ESRP1: variants seen among roughly 807,000 people sequenced by gnomAD.
ESRP1 encodes epithelial splicing regulatory protein 1.
ESRP1 carries 33 observed loss-of-function variants against 81.7 expected under a neutral mutation model. The observed-to-expected ratio is 0.40, with a 90% CI of 0.31 to 0.54. The LOEUF (loss-of-function observed/expected upper bound fraction) is 0.54. Ranked by LOEUF, ESRP1 falls within the 20% of genes least tolerant of loss-of-function variation. ESRP1 has a pLI of 0.41. For synonymous variants in ESRP1, 320 were observed against 303.3 expected (o/e 1.06, Z -0.57); for missense variants, 672 against 833.1 (o/e 0.81, Z 2.38).
chr8:94,667,071 G>C (rs546363030), intron 9 of ESRP1, among the ~76,000 whole-genome samples: 8 of 150,548 alleles, frequency 5.3e-5, no homozygotes, highest in Non-Finnish European at 8.9e-5. Flanking sequence ...GGAGAGGGGT[G>C]TGTGTGTGTG....
chr8:94,674,371 C>A lies in ESRP1; in HGVS notation c.1516C>A (p.Gln506Lys). 6.2e-7 allele frequency: 1 copy of A among 1,613,904 alleles called. No individual in the cohort carries two copies. The highest frequency in any genetic ancestry group is 1.1e-5 in the South Asian group (1 of 91,064). Reference sequence around the variant, plus strand: ...TGCGGACAGAGCATTTATGGCTGCACAGAAGTGTCATAAAAAAAACATGAA... The same window carrying A: ...TGCGGACAGAGCATTTATGGCTGCAAAGAAGTGTCATAAAAAAAACATGAA... ...KSADRAFMAA[Q>K]KCHKKNMKDR... Residue 506 changes from glutamine (Q) to lysine (K), a missense_variant, in exon 12 of 16, where the codon CAG (glutamine) becomes AAG (lysine). Physicochemically the swap from Gln to Lys is moderately conservative, Grantham distance 53. Transcript: ENST00000433389.
intron 9 of ESRP1, among the ~76,000 whole-genome samples, chr8:94,666,009 A>T (rs919198353): frequency 2.6e-5 from 4 of 152,202 alleles, no homozygotes; most frequent in Non-Finnish European, 4.4e-5. Flanking sequence ...TTATCCAGTT[A>T]TTTAGTGATT....
At chr8:94,690,112 C>G (rs1400455773) in intron 13 of ESRP1, among the ~76,000 whole-genome samples, 1 of 136,706 alleles carries the variant, frequency 7.3e-6, no homozygotes. Flanking sequence ...GCCACCGTGC[C>G]CGGCCTAATT....
chr8:94,664,391 T>A (rs536452696), intron 6 of ESRP1, among the ~76,000 whole-genome samples: 31 of 152,282 alleles, frequency 2.0e-4, no homozygotes, highest in Middle Eastern at 3.4e-3. Context: ...CCCAAAGTGC[T>A]GGGATTACAG....
chr8:94,673,680 A>G (rs1183439940), intron 11 of ESRP1, among the ~76,000 whole-genome samples: 1 of 152,188 alleles, frequency 6.6e-6, no homozygotes, highest in African/African-American at 2.4e-5. Context: ...ACCAAGGTAG[A>G]GCTGTAAGGA....
chr8:94,706,796 A>G lies in ESRP1; in HGVS notation c.*907A>G, dbSNP rs998344153. 3.3e-5 allele frequency: 5 copies of G among 152,272 alleles called. No homozygotes were observed. The highest frequency in any genetic ancestry group is 1.2e-4 in the African/African-American group (5 of 41,466). The allele number at this position is 152,272 out of a possible 1,614,324, so 9.4% of individuals were successfully genotyped here. A position where few individuals can be genotyped will look rare whatever the true frequency, so the allele number is the denominator to read the frequency against. On this transcript the variant is annotated 3_prime_UTR_variant, in exon 16 of 16. Transcript: ENST00000433389. Reference sequence around the variant, plus strand: ...TGAGACAATTTGAACAGTGTATTCTAGAAAACAATACACTAACTGAACAGA... The same window carrying G: ...TGAGACAATTTGAACAGTGTATTCTGGAAAACAATACACTAACTGAACAGA...
At chr8:94,669,826 C>T (rs903557553) in intron 10 of ESRP1, among the ~76,000 whole-genome samples, 8 of 148,778 alleles carry the variant, frequency 5.4e-5, no homozygotes, top group African/African-American at 1.7e-4. Flanking sequence ...ACCGAGATCA[C>T]GCTGCACTCT....
chr8:94,646,948 C>T (rs1429300274), intron 4 of ESRP1, among the ~76,000 whole-genome samples: 4 of 152,126 alleles, frequency 2.6e-5, no homozygotes, highest in South Asian at 2.1e-4. Context: ...AATAAGCAGG[C>T]GTGTGCTAAT....
chr8:94,678,597 A>G (rs1808736270), intron 13 of ESRP1, among the ~76,000 whole-genome samples: 1 of 152,228 alleles, frequency 6.6e-6, no homozygotes, highest in Admixed American at 6.5e-5. Flanking sequence ...ACCTATGTCT[A>G]CAGCTTTCCT....
At position 94,692,817 on chromosome 8, in the gene ESRP1, A is replaced by C. The variant is rs369492665; in HGVS notation, c.1961A>C (p.Gln654Pro). The C allele has an allele frequency of 3.2e-5, 52 of 1,613,016 alleles. No homozygotes were observed. The African/African-American group carries it at 6.1e-4, about 19-fold the overall frequency. Residue 654 changes from glutamine to proline, a missense_variant, in exon 14 of 16, where the codon CAA (glutamine) becomes CCA (proline). By Grantham distance (76) the Gln-to-Pro change is moderately conservative. Coordinates refer to ENST00000433389, the MANE Select transcript of ESRP1 (RefSeq NM_017697.4). ...GTTAAGGAAATTCTTAACTTCTTCC[A>C]AGGTTACCAGGTCAGTAGCTTGAAG... ...TGVKEILNFF[Q>P]GYQYATEDGL...
intron 15 of ESRP1, among the ~76,000 whole-genome samples, chr8:94,700,938 TGTG>T (rs1248131837): frequency 3.3e-5 from 3 of 90,844 alleles, no homozygotes; most frequent in Admixed American, 1.1e-4. Context: ...CAAAAAAAAA[TGTG>T]TGTGTGTGTG....
intron 5 of ESRP1, 37 bp from the exon 6 acceptor site, chr8:94,662,464 A>G (rs770051235): frequency 3.8e-6 from 6 of 1,578,338 alleles, no homozygotes; most frequent in East Asian, 4.5e-5. Context: ...TGTCTCCCTA[A>G]TCACTAAAAT....
chr8:94,674,198 TA>T, intron 11 of ESRP1, 109 bp from the exon 12 acceptor site: 4 of 1,252,656 alleles, frequency 3.2e-6, no homozygotes, highest in Non-Finnish European at 4.5e-6. Context: ...ATTTTGTGGC[TA>T]AAATATCTGT....
At chr8:94,678,437 G>A in intron 13 of ESRP1, 66 bp downstream of exon 13, 1 of 1,548,344 alleles carries the variant, frequency 6.5e-7, no homozygotes, top group Admixed American at 1.9e-5. Flanking sequence ...GCCAGTGCAA[G>A]AGCTCACAAA....
At chr8:94,665,126 A>G (rs1818955581) in intron 8 of ESRP1, 28 bp from the exon 9 acceptor site, 1 of 1,613,668 alleles carries the variant, frequency 6.2e-7, no homozygotes, top group Non-Finnish European at 8.5e-7. Context: ...GAAGGCTCAG[A>G]AACACTAACT....
At chr8:94,664,593 C>T (rs1390591708) in intron 6 of ESRP1, 104 bp from the exon 7 acceptor site, 2 of 799,906 alleles carry the variant, frequency 2.5e-6, no homozygotes, top group Admixed American at 4.5e-5. Context: ...GTCTGAACAC[C>T]AAATAATACA....
At chr8:94,655,057 T>TG in intron 4 of ESRP1, among the ~76,000 whole-genome samples, 2 of 123,648 alleles carry the variant, frequency 1.6e-5, no homozygotes, top group East Asian at 2.9e-4. Flanking sequence ...TGAGGTTTTT[T>TG]GGGTTTTTTG....
chr8:94,687,984 ATGTTTTGTAAG>A (rs1809208854), intron 13 of ESRP1, among the ~76,000 whole-genome samples: 2 of 152,034 alleles, frequency 1.3e-5, no homozygotes, highest in African/African-American at 4.8e-5. Context: ...ATTTACTACT[ATGTTTTGTAAG>A]TGTTTTGTAG....
intron 13 of ESRP1, among the ~76,000 whole-genome samples, chr8:94,690,990 T>C (rs753267176): frequency 2.6e-5 from 4 of 152,204 alleles, no homozygotes; most frequent in African/African-American, 4.8e-5. Context: ...AGGTAACTTA[T>C]GTGACCTGTT....
Sources: allele counts gnomAD v4.1 joint callset (sites outside exome capture counted in the v4.1 genomes callset), GRCh38; gene constraint gnomAD v4.1.1; transcripts MANE v1.5; gene names NCBI Gene and HGNC (gene_info 2026-07-23, HGNC 2026-07-21).